Variants in MRGPRX1 observed in about 807,000 individuals in gnomAD.
MRGPRX1 encodes MAS related GPR family member X1.
For synonymous variants in MRGPRX1, 208 were observed against 170.4 expected, an observed-to-expected ratio of 1.22 and a Z score of -1.72; for missense variants, 411 against 393.8, an observed-to-expected ratio of 1.04 and a Z score of -0.37.
At position 18,933,894 on chromosome 11, in the gene MRGPRX1, G is replaced by T; in HGVS notation, c.891C>A (p.Asp297Glu). 1 of 1,610,862 alleles carries T rather than the reference G, an allele frequency of 6.2e-7. No individual in the cohort carries two copies. Among genetic ancestry groups the T allele is most frequent in the African/African-American group, 1.3e-5 (1 of 74,820 alleles). Residue 297 changes from aspartate to glutamate, a missense_variant, in exon 2 of 2, where the codon GAC becomes GAA. Asp to Glu is a conservative substitution (Grantham distance 45, BLOSUM62 2). Coordinates refer to ENST00000526914, the MANE Select transcript of MRGPRX1 (RefSeq NM_001393578.1). Reference protein sequence around the residue: ...LKLVLQRALQDASEVDEGGGQ... With the variant: ...LKLVLQRALQEASEVDEGGGQ... ...CTCCACCTTCATCCACCTCAGACGC[G>T]TCCTGCAGAGCCCTCTGGAGAACCA...
rs549645018 is a variant in MRGPRX1 at position 18,937,471 on chromosome 11, G to A, written c.-26+1809C>T. ...TTTCCTTATATAAAATGATGTGATA[G>A]TTGTACAAAACCTATGCACTTTCTC... On this transcript the variant is annotated intron_variant, in intron 1 of 1. Transcript: ENST00000526914. Among the ~76,000 whole-genome samples the A allele has an allele frequency of 4.0e-5, 6 of 151,644 alleles. No homozygotes were observed. In the South Asian group the frequency reaches 1.3e-3, roughly 32 times the overall value.
Position 18,934,189 on chromosome 11 carries a change from A to C in MRGPRX1, c.596T>G (p.Leu199Arg). ...VVLCGSSLVL[L>R]IRILCGSRKI... ...CCGGGATCCACAGAGAATCCTGATC[A>C]GCAGGACCAGGCTGGACCCACAGAG... The change falls in exon 2 of 2, where the codon CTG (leucine) becomes CGG (arginine). Residue 199 changes from leucine to arginine, a missense_variant. Physicochemically the swap from Leu to Arg is moderately radical, Grantham distance 102 (BLOSUM62 -2). Coordinates refer to ENST00000526914, the MANE Select transcript of MRGPRX1 (RefSeq NM_001393578.1). 6.2e-7 allele frequency: 1 copy of C among 1,610,682 alleles called. No homozygotes were observed. Among genetic ancestry groups the C allele is most frequent in the Non-Finnish European group, 8.5e-7 (1 of 1,178,136 alleles).
intron 1 of MRGPRX1, among the ~76,000 whole-genome samples, chr11:18,938,779 G>T (rs1243740372): frequency 5.9e-5 from 9 of 151,360 alleles, no homozygotes; most frequent in African/African-American, 2.2e-4. Context: ...GTTGCTTAGG[G>T]TGCTGACCCA....
At position 18,933,768 on chromosome 11, in the gene MRGPRX1, G is replaced by A. The variant is rs188877691; in HGVS notation, c.*48C>T. The A allele has an allele frequency of 2.6e-6, 4 of 1,555,248 alleles. No individual in the cohort carries two copies. Among genetic ancestry groups the A allele is most frequent in the African/African-American group, 2.7e-5 (2 of 72,834 alleles). On this transcript the variant is annotated 3_prime_UTR_variant, in exon 2 of 2. Transcript: ENST00000526914. Reference sequence around the variant, plus strand: ...ACGCATATAATTGTCAAGGGTGGCAGGGCAGTGTTGCTCTCAAAGTCCTGT... The same window carrying A: ...ACGCATATAATTGTCAAGGGTGGCAAGGCAGTGTTGCTCTCAAAGTCCTGT...
At chr11:18,935,720 GAGTA>G (rs1343170932) in intron 1 of MRGPRX1, among the ~76,000 whole-genome samples, 2 of 151,482 alleles carry the variant, frequency 1.3e-5, no homozygotes, top group African/African-American at 4.8e-5. Flanking sequence ...ACAGAGGAAA[GAGTA>G]AGTGAGGGTG....
In MRGPRX1 at chr11:18,933,917, C is replaced by T. The variant is rs751169592; in HGVS notation, c.868G>A (p.Val290Ile). The change falls in exon 2 of 2, where the codon GTT (valine) becomes ATT (isoleucine). Residue 290 changes from valine to isoleucine, a missense_variant. Val to Ile is a conservative substitution (Grantham distance 29). Transcript: ENST00000526914. ...GCGTCCTGCAGAGCCCTCTGGAGAA[C>T]CAGCTTCAGGTTCTGCCTATTTTGA... ...QRQNRQNLKL[V>I]LQRALQDASE... is the part of the protein sequence containing the mutation. 2.9e-5 allele frequency: 47 copies of T among 1,610,834 alleles called. 3 individuals carry two copies. The highest frequency in any genetic ancestry group is 3.6e-5 in the Non-Finnish European group (43 of 1,178,222).
intron 1 of MRGPRX1, among the ~76,000 whole-genome samples, chr11:18,936,932 A>G (rs1217767977): frequency 2.6e-5 from 4 of 151,504 alleles, no homozygotes; most frequent in African/African-American, 7.3e-5. Context: ...CGCATGATTC[A>G]TTATTTCAGA....
chr11:18,937,883 A>C (rs1345488448), intron 1 of MRGPRX1, among the ~76,000 whole-genome samples: 2 of 151,672 alleles, frequency 1.3e-5, no homozygotes, highest in African/African-American at 4.8e-5. Context: ...CAGTAGAGAA[A>C]GACATGCCGA....
intron 1 of MRGPRX1, among the ~76,000 whole-genome samples, chr11:18,936,207 A>G (rs908019883): frequency 6.6e-6 from 1 of 151,198 alleles, no homozygotes; most frequent in African/African-American, 2.4e-5. Flanking sequence ...TACACCCAGC[A>G]CGACTCTGTG....
Position 18,934,329 on chromosome 11 carries a change from C to A in MRGPRX1, c.456G>T (p.Leu152=). 8 of 1,610,834 alleles carry A rather than the reference C, an allele frequency of 5.0e-6. No homozygotes were observed. Among genetic ancestry groups the A allele is most frequent in the African/African-American group, 1.3e-5 (1 of 74,800 alleles). Residue 152 remains leucine, a synonymous_variant, in exon 2 of 2, where the codon CTG becomes CTT. Coordinates refer to ENST00000526914, the MANE Select transcript of MRGPRX1 (RefSeq NM_001393578.1). ...VCVLLWALSL[L]RSILEWMLCG... ...ATAACATCCACTCCAGGATGCTCCG[C>A]AGCAGGGACAGGGCCCAGAGCAGGA...
chr11:18,934,426 C>T lies in MRGPRX1; in HGVS notation c.359G>A (p.Arg120His), dbSNP rs780543634. 3.1e-5 allele frequency: 50 copies of T among 1,610,496 alleles called. No individual in the cohort carries two copies. Among genetic ancestry groups the T allele is most frequent in the South Asian group, 4.4e-5 (4 of 90,736 alleles). The stretch of plus-strand genomic sequence containing the variant: ...GATGGGCCACAGGACGGACAGGCAG[C>T]GCTCGGTGCTCACGGCACTCAGAAA... ...LSFLSAVSTE[R>H]CLSVLWPIWY... Residue 120 changes from arginine to histidine, a missense_variant, in exon 2 of 2, where the codon CGC becomes CAC. Coordinates refer to ENST00000526914, the MANE Select transcript of MRGPRX1 (RefSeq NM_001393578.1).
chr11:18,937,164 T>C (rs556417376), intron 1 of MRGPRX1, among the ~76,000 whole-genome samples: 1 of 151,634 alleles, frequency 6.6e-6, no homozygotes, highest in South Asian at 2.1e-4. Context: ...AAGCAAGTCC[T>C]GGCTCACAGG....
Position 18,934,235 on chromosome 11 carries a change from G to A in MRGPRX1, c.550C>T (p.Leu184=). 1.2e-6 allele frequency: 2 copies of A among 1,610,454 alleles called. No individual in the cohort carries two copies. Among genetic ancestry groups the A allele is most frequent in the Non-Finnish European group, 1.7e-6 (2 of 1,178,072 alleles). Residue 184 remains leucine, a synonymous_variant, in exon 2 of 2, where the codon CTG becomes TTG. Coordinates refer to ENST00000526914, the MANE Select transcript of MRGPRX1 (RefSeq NM_001393578.1). ...QTSDFITVAW[L]IFLCVVLCGS... is the part of the protein sequence containing the mutation. ...CAGAGAACCACACATAAAAAAATCA[G>A]CCACGCGACTGTGATGAAATCTGAT...
chr11:18,933,950 T>G lies in MRGPRX1; in HGVS notation c.835A>C (p.Arg279=). The G allele has an allele frequency of 6.2e-7, 1 of 1,610,926 alleles. No individual in the cohort carries two copies. Among genetic ancestry groups the G allele is most frequent in the Non-Finnish European group, 8.5e-7 (1 of 1,178,246 alleles). The change falls in exon 2 of 2, where the codon AGG becomes CGG. Residue 279 remains arginine (R), a synonymous_variant. Coordinates refer to ENST00000526914, the MANE Select transcript of MRGPRX1 (RefSeq NM_001393578.1). ...AGGTTCTGCCTATTTTGACGCTGCC[T>G]AAAGGAGCCCACGAAGAAGTAAATG... ...PIIYFFVGSF[R]QRQNRQNLKL...
In MRGPRX1 at chr11:18,933,781, C is replaced by T; in HGVS notation, c.*35G>A. ...TCAAGGGTGGCAGGGCAGTGTTGCTCTCAAAGTCCTGTCTGACAGGGCAGA... is the reference window on the plus strand; with the variant it reads ...TCAAGGGTGGCAGGGCAGTGTTGCTTTCAAAGTCCTGTCTGACAGGGCAGA... On this transcript the variant is annotated 3_prime_UTR_variant, in exon 2 of 2. Coordinates refer to ENST00000526914, the MANE Select transcript of MRGPRX1 (RefSeq NM_001393578.1). 1 of 1,570,288 alleles carries T rather than the reference C, an allele frequency of 6.4e-7. No individual in the cohort carries two copies. Among genetic ancestry groups the T allele is most frequent in the Non-Finnish European group, 8.6e-7 (1 of 1,159,444 alleles).
intron 1 of MRGPRX1, 52 bp from the exon 2 acceptor site, chr11:18,934,861 C>G: frequency 6.8e-7 from 1 of 1,479,290 alleles, no homozygotes; most frequent in African/African-American, 1.4e-5. Context: ...CTGATTCTCC[C>G]CACCACCCTG....
intron 1 of MRGPRX1, chr11:18,935,156 T>A (rs1238487000): frequency 2.0e-5 from 4 of 201,694 alleles, no homozygotes; most frequent in African/African-American, 9.3e-5. Context: ...TGCAAAGAGG[T>A]GGTTGTGACA....
rs780185266 is a variant in MRGPRX1 at position 18,934,210 on chromosome 11, C to A, written c.575G>T (p.Cys192Phe). The change falls in exon 2 of 2, where the codon TGT becomes TTT. Residue 192 changes from cysteine to phenylalanine, a missense_variant. Cys to Phe is a radical substitution (Grantham distance 205). Coordinates refer to ENST00000526914, the MANE Select transcript of MRGPRX1 (RefSeq NM_001393578.1). ...AWLIFLCVVL[C>F]GSSLVLLIRI... ...GATCAGCAGGACCAGGCTGGACCCA[C>A]AGAGAACCACACATAAAAAAATCAG... 6.2e-7 allele frequency: 1 copy of A among 1,610,566 alleles called. No homozygotes were observed.
In MRGPRX1 at chr11:18,934,328, G is replaced by A. The variant is rs757338968; in HGVS notation, c.457C>T (p.Arg153Trp). ...CVLLWALSLL[R>W]SILEWMLCGF... ...CATAACATCCACTCCAGGATGCTCC[G>A]CAGCAGGGACAGGGCCCAGAGCAGG... The change falls in exon 2 of 2, where the codon CGG (arginine) becomes TGG (tryptophan). Residue 153 changes from arginine (R) to tryptophan (W), a missense_variant. Arg to Trp is a moderately radical substitution (Grantham distance 101). Coordinates refer to ENST00000526914, the MANE Select transcript of MRGPRX1 (RefSeq NM_001393578.1). 24 of 1,610,722 alleles carry A rather than the reference G, an allele frequency of 1.5e-5. No homozygotes were observed. The highest frequency in any genetic ancestry group is 1.5e-5 in the Non-Finnish European group (18 of 1,178,186).
Sources: allele counts gnomAD v4.1 joint callset (sites outside exome capture counted in the v4.1 genomes callset), GRCh38; gene constraint gnomAD v4.1.1; transcripts MANE v1.5; gene names NCBI Gene and HGNC (gene_info 2026-07-23, HGNC 2026-07-21).